ZNF81: variants seen among roughly 807,000 people sequenced by gnomAD.
The protein encoded by ZNF81 is zinc finger protein 81 (HFZ20).
Under a neutral mutation model 32.3 loss-of-function variants are expected in ZNF81, and 5 were observed. The ratio of observed to expected loss-of-function variants is 0.15; its 90% CI spans 0.08 to 0.33. The LOEUF (loss-of-function observed/expected upper bound fraction) is 0.33, where lower values mean the gene tolerates loss of function less well. Ranked by LOEUF, ZNF81 falls within the 10% of genes least tolerant of loss-of-function variation. The pLI is 1.00. For missense variants in ZNF81, 379 were observed against 479.8 expected, an observed-to-expected ratio of 0.79 and a Z score of 1.96; for synonymous variants, 163 against 166.8, an observed-to-expected ratio of 0.98 and a Z score of 0.17.
At chrX:47,886,452 G>A (rs1369717041) in intron 2 of ZNF81, among the ~76,000 whole-genome samples, 1 of 111,387 alleles carries the variant, frequency 9.0e-6, no homozygotes, top group Non-Finnish European at 1.9e-5. Flanking sequence ...TCTGGGCAGA[G>A]TTCATTCACA....
intron 1 of ZNF81, among the ~76,000 whole-genome samples, chrX:47,842,212 C>T (rs2058452457): frequency 9.0e-6 from 1 of 111,693 alleles, no homozygotes; most frequent in African/African-American, 3.3e-5. Context: ...TTATGACCCC[C>T]GGTGTGGTCT....
At chrX:47,907,121 G>A (rs940654824) in intron 4 of ZNF81, among the ~76,000 whole-genome samples, 4 of 95,831 alleles carry the variant, frequency 4.2e-5, no homozygotes, top group Admixed American at 1.2e-4. Flanking sequence ...TTTAAAAGGC[G>A]TGGGACATAC....
At chrX:47,905,009 A>G (rs1239321258) in intron 4 of ZNF81, among the ~76,000 whole-genome samples, 4 of 109,323 alleles carry the variant, frequency 3.7e-5, no homozygotes, top group African/African-American at 1.3e-4. Flanking sequence ...TGGGAGTTGA[A>G]CAATGAGAAC....
At chrX:47,908,079 C>A (rs1256945890) in intron 4 of ZNF81, among the ~76,000 whole-genome samples, 1 of 111,047 alleles carries the variant, frequency 9.0e-6, no homozygotes, top group Non-Finnish European at 1.9e-5. Context: ...AATTACTCTT[C>A]TTTGAAAGAC....
intron 4 of ZNF81, among the ~76,000 whole-genome samples, chrX:47,911,664 A>G (rs1794878): frequency 0.053 from 5,911 of 111,494 alleles, 412 homozygotes; most frequent in African/African-American, 0.18. Context: ...AGTAAACACA[A>G]TGGCACCAAA....
At position 47,840,600 on chromosome X, in the gene ZNF81, C is replaced by A. The variant is rs1345136388; in HGVS notation, c.-164+3613C>A. 7.3e-5 allele frequency among the ~76,000 whole-genome samples: 8 copies of A among 109,214 alleles called. No homozygotes were observed. The East Asian group carries it at 2.3e-3, about 31-fold the overall frequency. The allele number at this position is 109,214 out of a possible 115,157, so 94.8% of individuals were successfully genotyped here. On this transcript the variant is annotated intron_variant, in intron 1 of 4. Coordinates refer to ENST00000338637, the MANE Select transcript of ZNF81 (RefSeq NM_007137.5). The stretch of plus-strand genomic sequence containing the variant: ...CTCACCCCAACCTCCGCCTCCCAGG[C>A]AGGTTCAAGCGATTCTCCTGCCTCA...
At chrX:47,855,126 G>A (rs782062964) in intron 2 of ZNF81, among the ~76,000 whole-genome samples, 4 of 102,770 alleles carry the variant, frequency 3.9e-5, no homozygotes, top group African/African-American at 1.4e-4. Context: ...AAAACTTAAA[G>A]TATAATAAAA....
chrX:47,841,867 AGTTT>A (rs1311582049), intron 1 of ZNF81, among the ~76,000 whole-genome samples: 1 of 111,050 alleles, frequency 9.0e-6, no homozygotes, highest in Non-Finnish European at 1.9e-5. Flanking sequence ...CCTTCCGCTT[AGTTT>A]GAGTTTTCTT....
At chrX:47,910,142 T>C (rs2058734656) in intron 4 of ZNF81, among the ~76,000 whole-genome samples, 1 of 111,611 alleles carries the variant, frequency 9.0e-6, no homozygotes, top group Non-Finnish European at 1.9e-5. Flanking sequence ...GATGGCTGGG[T>C]CAAATGGTAT....
chrX:47,851,775 A>G (rs2058496561), intron 2 of ZNF81, among the ~76,000 whole-genome samples: 1 of 112,359 alleles, frequency 8.9e-6, no homozygotes. Flanking sequence ...GTATTTGGGA[A>G]AAAAACCCTT....
Position 47,920,795 on chromosome X carries a change from A to G in ZNF81, c.*4163A>G, listed in dbSNP as rs781792078. On this transcript the variant is annotated 3_prime_UTR_variant, in exon 5 of 5. Coordinates refer to ENST00000338637, the MANE Select transcript of ZNF81 (RefSeq NM_007137.5). Reference sequence around the variant, plus strand: ...GGAGAAGAGCCTGCAAGCAGAGACCAACTACCCTTAGGTCTACAGCTCTCA... The same window carrying G: ...GGAGAAGAGCCTGCAAGCAGAGACCGACTACCCTTAGGTCTACAGCTCTCA... 131 of 110,764 alleles carry G rather than the reference A, an allele frequency of 1.2e-3. No homozygotes were observed. The highest frequency in any genetic ancestry group is 4.2e-3 in the African/African-American group (128 of 30,451). 9.1% of individuals were successfully genotyped at this position (110,764 alleles called of 1,213,427 possible). A position where few individuals can be genotyped will look rare whatever the true frequency, so the allele number is the denominator to read the frequency against.
intron 2 of ZNF81, among the ~76,000 whole-genome samples, chrX:47,884,842 G>A (rs73489401): frequency 9.0e-6 from 1 of 111,620 alleles, no homozygotes; most frequent in African/African-American, 3.3e-5. Flanking sequence ...TACCACTTTG[G>A]ACTGAAAGGG....
chrX:47,873,019 C>A (rs1476792841), intron 2 of ZNF81, among the ~76,000 whole-genome samples: 1 of 111,578 alleles, frequency 9.0e-6, no homozygotes, highest in Non-Finnish European at 1.9e-5. Context: ...TCTAAAGGCA[C>A]CTAGTAACCA....
chrX:47,904,403 G>T (rs782334582), intron 4 of ZNF81, among the ~76,000 whole-genome samples: 1,140 of 104,294 alleles, frequency 0.011, 8 homozygotes, highest in Middle Eastern at 0.038. Flanking sequence ...GTGGGCAAAG[G>T]ATATGAACAG....
intron 4 of ZNF81, among the ~76,000 whole-genome samples, chrX:47,911,905 G>C (rs981914771): frequency 9.0e-6 from 1 of 110,713 alleles, no homozygotes; most frequent in African/African-American, 3.3e-5. Context: ...AGGCTTAATG[G>C]GGAAAGAGGA....
chrX:47,851,618 G>A (rs1417148523), intron 2 of ZNF81, among the ~76,000 whole-genome samples: 2 of 111,459 alleles, frequency 1.8e-5, no homozygotes, highest in African/African-American at 6.5e-5. Context: ...GATGTTACAT[G>A]TGTCCCAGTT....
intron 3 of ZNF81, among the ~76,000 whole-genome samples, chrX:47,890,153 C>T (rs1365452925): frequency 9.0e-6 from 1 of 111,395 alleles, no homozygotes; most frequent in Non-Finnish European, 1.9e-5. Context: ...CAACATGGCC[C>T]CAATAATGCC....
intron 2 of ZNF81, among the ~76,000 whole-genome samples, chrX:47,846,870 C>G (rs1485159885): frequency 8.9e-6 from 1 of 111,944 alleles, no homozygotes; most frequent in African/African-American, 3.2e-5. Flanking sequence ...ACTCCACCTC[C>G]CTAAGACAGG....
At chrX:47,908,645 G>A (rs1394531178) in intron 4 of ZNF81, among the ~76,000 whole-genome samples, 1 of 112,327 alleles carries the variant, frequency 8.9e-6, no homozygotes, top group Non-Finnish European at 1.9e-5. Context: ...ATGTCCATCA[G>A]TGGGAGAATA....
Sources: allele counts gnomAD v4.1 joint callset (sites outside exome capture counted in the v4.1 genomes callset), GRCh38; gene constraint gnomAD v4.1.1; transcripts MANE v1.5; gene names NCBI Gene and HGNC (gene_info 2026-07-23, HGNC 2026-07-21).